Variants in WWOX observed in about 807,000 individuals in gnomAD.
The protein encoded by WWOX is WW domain containing oxidoreductase, also known as WW domain-containing oxidoreductase.
Under a neutral mutation model 46.2 loss-of-function variants are expected in WWOX, and 69 were observed. That is an observed-to-expected ratio of 1.49 (90% CI 1.23 to 1.82). The LOEUF (loss-of-function observed/expected upper bound fraction) is 1.82, where lower values mean the gene tolerates loss of function less well. Among genes scored for constraint, WWOX ranks in the 40% most tolerant of loss-of-function variants. WWOX has a pLI of 0.00. For missense variants in WWOX, 919 were observed against 542.6 expected (o/e 1.69, Z -6.89); for synonymous variants, 359 against 202.6 (o/e 1.77, Z -6.56).
At chr16:78,983,648 G>T (rs532204535) in intron 8 of WWOX, among the ~76,000 whole-genome samples, 1 of 152,086 alleles carries the variant, frequency 6.6e-6, no homozygotes, top group Admixed American at 6.6e-5. Flanking sequence ...GTGACTTCCA[G>T]CCAATGGAAT....
At chr16:78,277,181 G>C (rs1445827125) in intron 5 of WWOX, among the ~76,000 whole-genome samples, 1 of 152,122 alleles carries the variant, frequency 6.6e-6, no homozygotes, top group East Asian at 1.9e-4. Context: ...GTTTGAAGTA[G>C]CAATTTGAAA....
chr16:78,929,842 G>A (rs188989642), intron 8 of WWOX, among the ~76,000 whole-genome samples: 36 of 152,284 alleles, frequency 2.4e-4, no homozygotes, highest in East Asian at 1.9e-4. Context: ...CAGGAAATGC[G>A]ATTGTGCACG....
intron 4 of WWOX, among the ~76,000 whole-genome samples, chr16:78,160,051 T>C (rs1235469514): frequency 6.6e-6 from 1 of 152,146 alleles, no homozygotes; most frequent in Non-Finnish European, 1.5e-5. Context: ...TTTATGTTTG[T>C]TTTAGATTTA....
intron 4 of WWOX, among the ~76,000 whole-genome samples, chr16:78,159,671 G>GTTTTTTTTT (rs1343670783): frequency 3.2e-4 from 27 of 84,562 alleles, no homozygotes; most frequent in African/African-American, 4.6e-4. Context: ...TAAAATCTGT[G>GTTTTTTTTT]GTTTTTTTTT....
chr16:78,209,667 T>C (rs2151785868), intron 5 of WWOX, among the ~76,000 whole-genome samples: 1 of 151,948 alleles, frequency 6.6e-6, no homozygotes, highest in Middle Eastern at 3.4e-3. Context: ...ACCTTTTGTA[T>C]CCTCTAGTCT....
chr16:78,242,778 C>T (rs1333864799), intron 5 of WWOX, among the ~76,000 whole-genome samples: 3 of 152,140 alleles, frequency 2.0e-5, no homozygotes, highest in Non-Finnish European at 4.4e-5. Context: ...GAGGCCGAGG[C>T]AGGCAGATCA....
chr16:78,898,715 C>G (rs548496950), intron 8 of WWOX: 5 of 152,156 alleles, frequency 3.3e-5, no homozygotes, highest in Admixed American at 1.3e-4. Flanking sequence ...GGATCAAAAT[C>G]CTGAAAGTGT....
intron 8 of WWOX, among the ~76,000 whole-genome samples, chr16:78,697,964 C>T (rs770534967): frequency 3.3e-5 from 5 of 152,080 alleles, no homozygotes; most frequent in African/African-American, 1.2e-4. Flanking sequence ...TTTCTTGTTT[C>T]AAAACTCCTG....
chr16:78,933,921 G>A (rs2045678544), intron 8 of WWOX, among the ~76,000 whole-genome samples: 1 of 152,144 alleles, frequency 6.6e-6, no homozygotes, highest in South Asian at 2.1e-4. Context: ...GCTGGGTGAA[G>A]TGGCTCGCAC....
chr16:78,836,394 TC>T (rs1423189553), intron 8 of WWOX, among the ~76,000 whole-genome samples: 1 of 152,154 alleles, frequency 6.6e-6, no homozygotes, highest in African/African-American at 2.4e-5. Flanking sequence ...GGCAGTGGTT[TC>T]CCTGGGATTG....
chr16:79,122,572 T>C (rs571103412), intron 8 of WWOX, among the ~76,000 whole-genome samples: 2 of 152,078 alleles, frequency 1.3e-5, no homozygotes, highest in South Asian at 4.2e-4. Flanking sequence ...CATTCTTTCT[T>C]TCCCTCTCTC....
chr16:79,207,339 C>G (rs776536492), intron 8 of WWOX, among the ~76,000 whole-genome samples: 2 of 152,216 alleles, frequency 1.3e-5, no homozygotes, highest in African/African-American at 2.4e-5. Flanking sequence ...TGTGTCTTTC[C>G]TTTTAGCCAA....
At chr16:79,193,502 C>G (rs2051177834) in intron 8 of WWOX, among the ~76,000 whole-genome samples, 1 of 152,180 alleles carries the variant, frequency 6.6e-6, no homozygotes, top group African/African-American at 2.4e-5. Flanking sequence ...CCTTCTGCTC[C>G]CTTCTTCAGG....
At chr16:79,166,809 C>T (rs2050603339) in intron 8 of WWOX, among the ~76,000 whole-genome samples, 1 of 152,032 alleles carries the variant, frequency 6.6e-6, no homozygotes, top group African/African-American at 2.4e-5. Flanking sequence ...AATAGTAGGC[C>T]CTGAATAAAG....
chr16:78,297,662 C>A (rs7199997), intron 5 of WWOX, among the ~76,000 whole-genome samples: 1 of 151,864 alleles, frequency 6.6e-6, no homozygotes. Flanking sequence ...CTGTTGGAGA[C>A]GGAGCACCGG....
chr16:78,970,420 G>C (rs1193231890), intron 8 of WWOX, among the ~76,000 whole-genome samples: 1 of 152,182 alleles, frequency 6.6e-6, no homozygotes, highest in East Asian at 1.9e-4. Context: ...GAGCACAGCA[G>C]TGACAAAGGT....
At chr16:78,774,634 A>G (rs2050146128) in intron 8 of WWOX, among the ~76,000 whole-genome samples, 1 of 152,020 alleles carries the variant, frequency 6.6e-6, no homozygotes, top group African/African-American at 2.4e-5. Context: ...GTTGTTCTTA[A>G]CCATGAGGTG....
At chr16:78,996,610 A>G (rs1008285852) in intron 8 of WWOX, among the ~76,000 whole-genome samples, 2 of 152,014 alleles carry the variant, frequency 1.3e-5, no homozygotes, top group East Asian at 1.9e-4. Context: ...CAGTATTTAG[A>G]TGAGAATTAA....
rs1329816761 is a variant in WWOX at position 78,902,255 on chromosome 16, C to T, written c.1057-309353C>T. ...TTAGCCTGGTTACTTTGCCACCAAA[C>T]CCCACCAAATGCCTTTGTATCTTTT... On this transcript the variant is annotated intron_variant, in intron 8 of 8. Coordinates refer to ENST00000566780, the MANE Select transcript of WWOX (RefSeq NM_016373.4). 2.0e-5 allele frequency among the ~76,000 whole-genome samples: 3 copies of T among 152,208 alleles called. 1 individual carries two copies. In the South Asian group the frequency reaches 6.2e-4, roughly 32 times the overall value.
Sources: gnomAD v4.1 joint callset for allele counts (sites outside exome capture counted in the v4.1 genomes callset) on GRCh38, gnomAD v4.1.1 for gene constraint, MANE v1.5 for transcripts, NCBI Gene and HGNC (gene_info 2026-07-23, HGNC 2026-07-21) for gene names.